The following NFAT5 variants were observed in gnomAD, a reference collection of about 807,000 sequenced individuals.
The protein encoded by NFAT5 is nuclear factor of activated T-cells 5.
Under a neutral mutation model 166.5 loss-of-function variants are expected in NFAT5, and 31 were observed. The observed-to-expected ratio is 0.19, with a 90% CI of 0.14 to 0.25. NFAT5 has a LOEUF of 0.25. Among genes scored for constraint, NFAT5 ranks in the 10% least tolerant of loss-of-function variants. NFAT5 has a pLI of 1.00. For synonymous variants in NFAT5, 612 were observed against 639.7 expected (o/e 0.96, Z 0.65); for missense variants, 1,449 against 1,821.8 (o/e 0.80, Z 3.72).
At chr16:69,591,199 T>A (rs1428804073) in intron 2 of NFAT5, among the ~76,000 whole-genome samples, 2 of 152,194 alleles carry the variant, frequency 1.3e-5, no homozygotes, top group Non-Finnish European at 2.9e-5. Context: ...CCCAAAGTGC[T>A]GGGATTACAG....
chr16:69,611,068 T>A (rs1044763262), intron 2 of NFAT5, among the ~76,000 whole-genome samples: 2 of 152,214 alleles, frequency 1.3e-5, no homozygotes, highest in African/African-American at 2.4e-5. Flanking sequence ...GCTGTTGATC[T>A]TGTGAATTTA....
At chr16:69,586,429 A>C (rs1032055343) in intron 2 of NFAT5, among the ~76,000 whole-genome samples, 1 of 152,092 alleles carries the variant, frequency 6.6e-6, no homozygotes, top group Middle Eastern at 3.4e-3. Context: ...TTTAGACGGA[A>C]TCTCACTCTG....
At chr16:69,585,672 A>G (rs1015023073) in intron 2 of NFAT5, among the ~76,000 whole-genome samples, 8 of 152,232 alleles carry the variant, frequency 5.3e-5, no homozygotes, top group Admixed American at 2.6e-4. Flanking sequence ...GTTCTGTTAC[A>G]TGCCACAGTA....
intron 3 of NFAT5, among the ~76,000 whole-genome samples, chr16:69,633,068 A>G (rs2034789767): frequency 6.6e-6 from 1 of 152,222 alleles, no homozygotes; most frequent in African/African-American, 2.4e-5. Flanking sequence ...GCCTATAGCC[A>G]TTAATTCAGA....
At chr16:69,583,689 T>G (rs2031847192) in intron 2 of NFAT5, among the ~76,000 whole-genome samples, 1 of 152,240 alleles carries the variant, frequency 6.6e-6, no homozygotes, top group South Asian at 2.1e-4. Flanking sequence ...GTAAGCTTCT[T>G]AAGGGCATTG....
Position 69,626,546 on chromosome 16 carries a change from C to T in NFAT5, c.253+18C>T. ...TGCTGCTGGTATGCATTTCATTTTACTTTATTAAAGAAAACTAGGGCCAAT... is the reference window on the plus strand; with the variant it reads ...TGCTGCTGGTATGCATTTCATTTTATTTTATTAAAGAAAACTAGGGCCAAT... On this transcript the variant is annotated intron_variant, in intron 3 of 14. Transcript: ENST00000349945. 6.6e-7 allele frequency: 1 copy of T among 1,518,066 alleles called. No homozygotes were observed. Among genetic ancestry groups the T allele is most frequent in the Non-Finnish European group, 8.8e-7 (1 of 1,136,904 alleles). 94.0% of individuals were successfully genotyped at this position (1,518,066 alleles called of 1,614,324 possible).
At chr16:69,578,363 A>C (rs1209673279) in intron 2 of NFAT5, among the ~76,000 whole-genome samples, 1 of 152,224 alleles carries the variant, frequency 6.6e-6, no homozygotes, top group Non-Finnish European at 1.5e-5. Flanking sequence ...TATGTATCAT[A>C]AATACTAATT....
At chr16:69,599,070 A>G (rs1264859606) in intron 2 of NFAT5, among the ~76,000 whole-genome samples, 2 of 151,616 alleles carry the variant, frequency 1.3e-5, no homozygotes, top group Non-Finnish European at 2.9e-5. Context: ...AAGTCCATAG[A>G]AACAGAAAGT....
intron 2 of NFAT5, among the ~76,000 whole-genome samples, chr16:69,574,667 CTT>C (rs375727269): frequency 1.4e-5 from 2 of 143,904 alleles, no homozygotes; most frequent in Non-Finnish European, 1.5e-5. Context: ...ATACTTTTCT[CTT>C]TTTTTTTTTT....
chr16:69,685,433 G>C (rs2037258075), intron 11 of NFAT5: 1 of 151,792 alleles, frequency 6.6e-6, no homozygotes, highest in African/African-American at 2.4e-5. Flanking sequence ...CGTAGTCCCA[G>C]CTGCTCGGGA....
intron 7 of NFAT5, among the ~76,000 whole-genome samples, chr16:69,662,826 T>G (rs2036211591): frequency 6.6e-6 from 1 of 152,104 alleles, no homozygotes; most frequent in African/African-American, 2.4e-5. Context: ...TCCTGACCAC[T>G]TAGGAAGCTT....
At chr16:69,673,755 ATC>A (rs1211571511) in intron 9 of NFAT5, among the ~76,000 whole-genome samples, 2 of 152,082 alleles carry the variant, frequency 1.3e-5, no homozygotes, top group African/African-American at 4.8e-5. Context: ...TTTGGATGTG[ATC>A]AGTAAAGAAA....
intron 6 of NFAT5, among the ~76,000 whole-genome samples, chr16:69,656,129 A>C (rs1171755265): frequency 3.3e-5 from 5 of 151,872 alleles, no homozygotes; most frequent in African/African-American, 1.2e-4. Flanking sequence ...GAAAGTACAA[A>C]AATTAGCTGG....
chr16:69,685,000 A>G lies in NFAT5; in HGVS notation c.1774+30A>G, dbSNP rs568949297. On this transcript the variant is annotated intron_variant, in intron 11 of 14. Coordinates refer to ENST00000349945, the MANE Select transcript of NFAT5 (RefSeq NM_138713.4). The stretch of plus-strand genomic sequence containing the variant: ...CAAGTAAATTCTTCTCAAAAATCGT[A>G]ATTGGGTGCTCCTGTATGTTTTCTC... 2.0e-6 allele frequency: 3 copies of G among 1,496,692 alleles called. No homozygotes were observed. The East Asian group carries it at 6.9e-5, about 34-fold the overall frequency. 92.7% of individuals were successfully genotyped at this position (1,496,692 alleles called of 1,614,324 possible).
intron 7 of NFAT5, 60 bp from the exon 8 acceptor site, chr16:69,669,917 T>A: frequency 6.8e-7 from 1 of 1,463,222 alleles, no homozygotes; most frequent in Non-Finnish European, 9.1e-7. Flanking sequence ...TGCAAGTTGA[T>A]TTTAGGTAAG....
intron 14 of NFAT5, among the ~76,000 whole-genome samples, chr16:69,695,978 A>T (rs557419026): frequency 3.2e-4 from 49 of 152,318 alleles, no homozygotes; most frequent in Non-Finnish European, 6.2e-4. Flanking sequence ...CTTATCCCCA[A>T]GATATCTCAT....
intron 2 of NFAT5, among the ~76,000 whole-genome samples, chr16:69,587,944 CTTTTTTTTTTTTTTTT>C (rs61460423): frequency 2.9e-5 from 2 of 68,250 alleles, no homozygotes; most frequent in South Asian, 1.1e-3. Flanking sequence ...ATAGTGCTTT[CTTTTTTTTTTTTTTTT>C]TTTTTTTTTT....
At chr16:69,672,899 T>G (rs1463243709) in intron 9 of NFAT5, among the ~76,000 whole-genome samples, 1 of 152,232 alleles carries the variant, frequency 6.6e-6, no homozygotes, top group Non-Finnish European at 1.5e-5. Context: ...ATTGAGAGAC[T>G]TGCCTTATAA....
intron 3 of NFAT5, among the ~76,000 whole-genome samples, chr16:69,642,993 G>T (rs1237819487): frequency 6.6e-6 from 1 of 152,018 alleles, no homozygotes; most frequent in Non-Finnish European, 1.5e-5. Context: ...CGAGGTGGGT[G>T]GATCACTTGA....
Sources: gnomAD v4.1 joint callset for allele counts (sites outside exome capture counted in the v4.1 genomes callset) on GRCh38, gnomAD v4.1.1 for gene constraint, MANE v1.5 for transcripts, NCBI Gene and HGNC (gene_info 2026-07-23, HGNC 2026-07-21) for gene names.